The following P2RX4 variants were observed in gnomAD, a reference collection of about 807,000 sequenced individuals.
P2RX4 encodes P2X purinoceptor 4.
Under a neutral mutation model 48.0 loss-of-function variants are expected in P2RX4, and 37 were observed. That is an observed-to-expected ratio of 0.77 (90% CI 0.59 to 1.01). P2RX4 has a LOEUF of 1.01. P2RX4 is among the 50% of genes least tolerant of loss of function. The pLI, the probability that P2RX4 is intolerant of heterozygous loss-of-function variation, is 0.00. For synonymous variants in P2RX4, 200 were observed against 199.7 expected (o/e 1.00, Z -0.01); for missense variants, 501 against 521.4 (o/e 0.96, Z 0.38).
chr12:121,211,921 C>T (rs192495477), intron 1 of P2RX4, among the ~76,000 whole-genome samples: 3,466 of 152,290 alleles, frequency 0.023, 56 homozygotes, highest in Non-Finnish European at 0.033. Flanking sequence ...GTGATCCACC[C>T]GCCGCAGCCT....
Position 121,232,927 on chromosome 12 carries a change from C to A in P2RX4, c.1045-70C>A. The A allele has an allele frequency of 9.3e-7, 1 of 1,076,656 alleles. No individual in the cohort carries two copies. Among genetic ancestry groups the A allele is most frequent in the Non-Finnish European group, 1.4e-6 (1 of 691,818 alleles). The allele number at this position is 1,076,656 out of a possible 1,614,324, so 66.7% of individuals were successfully genotyped here. A position where few individuals can be genotyped will look rare whatever the true frequency, so the allele number is the denominator to read the frequency against. On this transcript the variant is annotated intron_variant, in intron 10 of 11. Transcript: ENST00000337233. This position sits in a 1 kb window ranked among gnomAD's most constrained non-coding sequence, Gnocchi z 4.3. ...AGATTCCAGGCTTCTCAGGAAGGGG[C>A]ACGCAAAGAATAAGATGGGTTGATG... is the stretch of plus-strand genomic sequence containing the variant.
intron 1 of P2RX4, chr12:121,213,421 T>C (rs1886018561): frequency 6.6e-6 from 1 of 152,278 alleles, no homozygotes; most frequent in African/African-American, 2.4e-5. Context: ...CAAGACACTG[T>C]CTCAAAAAAA....
Position 121,221,463 on chromosome 12 carries a change from G to A in P2RX4, c.283-450G>A, listed in dbSNP as rs546438537. Among the ~76,000 whole-genome samples the A allele has an allele frequency of 6.1e-5, 9 of 148,282 alleles. No individual in the cohort carries two copies. The South Asian group carries it at 8.5e-4, about 14-fold the overall frequency. On this transcript the variant is annotated intron_variant, in intron 2 of 11. Coordinates refer to ENST00000337233, the MANE Select transcript of P2RX4 (RefSeq NM_002560.3). Reference sequence around the variant, plus strand: ...GGCTGGAGTGCAGTGGCGCGATGTCGGCTCGCTGCAACCTCCGACTCCCGG... The same window carrying A: ...GGCTGGAGTGCAGTGGCGCGATGTCAGCTCGCTGCAACCTCCGACTCCCGG...
chr12:121,222,933 C>G lies in P2RX4; in HGVS notation c.428-14C>G, dbSNP rs777517281. The G allele has an allele frequency of 2.5e-6, 4 of 1,595,460 alleles. No individual in the cohort carries two copies. The East Asian group carries it at 6.7e-5, about 27-fold the overall frequency. ...TGTGGACATGGGACCCCCCTGCCAC[C>G]CTTGTGCTTGTAGGAGTCTCAACAG... On this transcript the variant is annotated splice_polypyrimidine_tract_variant and intron_variant, in intron 4 of 11. Coordinates refer to ENST00000337233, the MANE Select transcript of P2RX4 (RefSeq NM_002560.3).
At chr12:121,221,167 TG>T (rs1886577352) in intron 2 of P2RX4, among the ~76,000 whole-genome samples, 3 of 85,086 alleles carry the variant, frequency 3.5e-5, no homozygotes, top group Non-Finnish European at 7.2e-5. Flanking sequence ...TGTGTGTGTT[TG>T]TGTGTGTGTG....
At chr12:121,216,854 T>C (rs1203867392) in intron 1 of P2RX4, 5 of 657,576 alleles carry the variant, frequency 7.6e-6, no homozygotes, top group Non-Finnish European at 1.1e-5. Flanking sequence ...TCAAATGTAA[T>C]AAAGACAGTA....
chr12:121,233,051 T>C lies in P2RX4; in HGVS notation c.1099T>C (p.Tyr367His), dbSNP rs1213895552. 2 of 1,613,486 alleles carry C rather than the reference T, an allele frequency of 1.2e-6. No homozygotes were observed. Among genetic ancestry groups the C allele is most frequent in the Non-Finnish European group, 1.7e-6 (2 of 1,179,698 alleles). The change falls in exon 11 of 12, where the codon TAT (tyrosine) becomes CAT (histidine). Residue 367 changes from tyrosine (Y) to histidine (H), a missense_variant. By Grantham distance (83) the Tyr-to-His change is moderately conservative (BLOSUM62 2). Transcript: ENST00000337233. ...CTACTGCATGAAGAAAAGACTCTAC[T>C]ATCGGGAGAAGAAATATAAATATGT... ...VLYCMKKRLY[Y>H]REKKYKYVED... is the part of the protein sequence containing the mutation.
chr12:121,210,411 G>C (rs1593192087), intron 1 of P2RX4, 113 bp downstream of exon 1: 2 of 1,102,674 alleles, frequency 1.8e-6, no homozygotes, highest in East Asian at 6.8e-5. Context: ...GCGAGCCGAG[G>C]CGGTGACACC....
rs370636282 is a variant in P2RX4 at position 121,223,771 on chromosome 12, G to A, written c.524+728G>A. On this transcript the variant is annotated intron_variant, in intron 5 of 11. Coordinates refer to ENST00000337233, the MANE Select transcript of P2RX4 (RefSeq NM_002560.3). The stretch of plus-strand genomic sequence containing the variant: ...GATCCAGCGTGGCCAGGAGAATCTC[G>A]TGCCAGGCTGAGGCAGAAGAATCTC... Among the ~76,000 whole-genome samples, 34 of 152,286 alleles carry A rather than the reference G, an allele frequency of 2.2e-4. 1 individual carries two copies. The highest frequency in any genetic ancestry group is 8.3e-4 in the South Asian group (4 of 4,822).
chr12:121,220,591 G>A (rs558569612), intron 2 of P2RX4, among the ~76,000 whole-genome samples: 5 of 152,120 alleles, frequency 3.3e-5, no homozygotes, highest in Non-Finnish European at 7.4e-5. Context: ...AGCCAAGATC[G>A]TGCCACTGCC....
intron 5 of P2RX4, chr12:121,223,394 C>T (rs1294784388): frequency 3.0e-6 from 1 of 328,744 alleles, no homozygotes; most frequent in Non-Finnish European, 5.9e-6. Flanking sequence ...CCACACCCAG[C>T]CGGAAGCACC....
chr12:121,228,827 G>A lies in P2RX4; in HGVS notation c.708G>A (p.Val236=), dbSNP rs1267380032. 1 of 1,614,148 alleles carries A rather than the reference G, an allele frequency of 6.2e-7. No individual in the cohort carries two copies. Among genetic ancestry groups the A allele is most frequent in the Non-Finnish European group, 8.5e-7 (1 of 1,180,024 alleles). ...CCATATTCCGTCTTGGCAAAATAGT[G>A]GAGAACGCAGGACACAGTTTCCAGG... ...FCPIFRLGKI[V]ENAGHSFQDM... The change falls in exon 7 of 12, where the codon GTG becomes GTA. Residue 236 remains valine, a synonymous_variant. Coordinates refer to ENST00000337233, the MANE Select transcript of P2RX4 (RefSeq NM_002560.3).
intron 5 of P2RX4, 159 bp downstream of exon 5, chr12:121,223,202 G>A: frequency 1.6e-6 from 1 of 616,796 alleles, no homozygotes; most frequent in Non-Finnish European, 2.9e-6. Context: ...AGCCTCCCGA[G>A]TAGCTGAGAT....
At chr12:121,216,913 G>C in intron 1 of P2RX4, 1 of 704,572 alleles carries the variant, frequency 1.4e-6, no homozygotes, top group Non-Finnish European at 2.6e-6. Context: ...TGCTTTACCT[G>C]CACCATCTCA....
intron 2 of P2RX4, among the ~76,000 whole-genome samples, chr12:121,217,949 T>G: frequency 6.6e-6 from 1 of 152,092 alleles, no homozygotes; most frequent in African/African-American, 2.4e-5. Flanking sequence ...AAACATTGAC[T>G]CTTTAGTCCT....
intron 1 of P2RX4, chr12:121,213,023 C>CT (rs1885993313): frequency 1.3e-5 from 2 of 151,382 alleles, no homozygotes; most frequent in African/African-American, 4.9e-5. Context: ...AGTGGTGTTG[C>CT]ACTGTATGGT....
Position 121,210,292 on chromosome 12 carries a change from T to A in P2RX4, c.128T>A (p.Val43Asp), listed in dbSNP as rs1319109356. ...RAVQLLILAY[V>D]IGWVFVWEKG... Reference sequence around the variant, plus strand: ...GTGCAACTGCTCATCCTGGCCTACGTCATCGGGTGAGCGTGGGGCCGCGCG... The same window carrying A: ...GTGCAACTGCTCATCCTGGCCTACGACATCGGGTGAGCGTGGGGCCGCGCG... The change falls in exon 1 of 12, where the codon GTC (valine) becomes GAC (aspartate). Residue 43 changes from valine to aspartate, a missense_variant. Val to Asp is a radical substitution (Grantham distance 152). Transcript: ENST00000337233. 3.2e-6 allele frequency: 5 copies of A among 1,543,976 alleles called. No homozygotes were observed. The highest frequency in any genetic ancestry group is 4.3e-6 in the Non-Finnish European group (5 of 1,149,672).
At chr12:121,226,327 T>G (rs1886972840) in intron 5 of P2RX4, among the ~76,000 whole-genome samples, 1 of 151,874 alleles carries the variant, frequency 6.6e-6, no homozygotes, top group Admixed American at 6.6e-5. Context: ...GTGGATCACT[T>G]GAGGCCAGGA....
chr12:121,219,659 GGAAA>G (rs1379145456), intron 2 of P2RX4, among the ~76,000 whole-genome samples: 64 of 138,008 alleles, frequency 4.6e-4, no homozygotes, highest in Non-Finnish European at 8.2e-4. Context: ...ATAGATAGAT[GGAAA>G]GAAAGAAAGA....
Sources: allele counts gnomAD v4.1 joint callset (sites outside exome capture counted in the v4.1 genomes callset), GRCh38; gene constraint gnomAD v4.1.1; non-coding constraint Gnocchi (gnomAD v3.1); transcripts MANE v1.5; gene names NCBI Gene and HGNC (gene_info 2026-07-23, HGNC 2026-07-21).